THSD4: variants seen among roughly 807,000 people sequenced by gnomAD.
THSD4 encodes thrombospondin type 1 domain containing 4, also known as thrombospondin type-1 domain-containing protein 4.
A neutral mutation model predicts 119.0 loss-of-function variants in THSD4; 69 were observed. That is an observed-to-expected ratio of 0.58 (90% CI 0.48 to 0.71). THSD4 has a LOEUF of 0.71. Ranked by LOEUF, THSD4 falls within the 30% of genes least tolerant of loss-of-function variation. The pLI is 0.00. For missense variants in THSD4, 1,393 were observed against 1,391.1 expected, an observed-to-expected ratio of 1.00 and a Z score of -0.02; for synonymous variants, 524 against 540.4, an observed-to-expected ratio of 0.97 and a Z score of 0.42.
intron 1 of THSD4, among the ~76,000 whole-genome samples, chr15:71,098,216 G>A (rs1031069864): frequency 3.0e-5 from 4 of 131,282 alleles, no homozygotes; most frequent in African/African-American, 1.2e-4. Context: ...TTTTTTTTGG[G>A]GGGAGAGAAG....
At chr15:71,771,321 T>C in intron 17 of THSD4, 113 bp downstream of exon 17, 2 of 1,340,272 alleles carry the variant, frequency 1.5e-6, no homozygotes, top group Non-Finnish European at 2.1e-6. Context: ...TTGCACACAG[T>C]CATGGAGTTC....
At chr15:71,463,333 G>A (rs1359622666) in intron 7 of THSD4, among the ~76,000 whole-genome samples, 3 of 152,122 alleles carry the variant, frequency 2.0e-5, no homozygotes, top group Admixed American at 1.3e-4. Context: ...AACAGGACCC[G>A]TGACAGAGCC....
At chr15:71,358,222 C>T (rs2045848377) in intron 6 of THSD4, among the ~76,000 whole-genome samples, 1 of 152,200 alleles carries the variant, frequency 6.6e-6, no homozygotes, top group Non-Finnish European at 1.5e-5. Flanking sequence ...GGCCTCCCTC[C>T]CCTCCTTCCA....
chr15:71,725,864 C>T (rs948995359), intron 8 of THSD4, among the ~76,000 whole-genome samples: 4 of 152,114 alleles, frequency 2.6e-5, no homozygotes, highest in Non-Finnish European at 5.9e-5. Context: ...TCACCACAAC[C>T]TCCATCTCCC....
At chr15:71,680,134 A>C (rs2051744050) in intron 8 of THSD4, among the ~76,000 whole-genome samples, 1 of 152,206 alleles carries the variant, frequency 6.6e-6, no homozygotes, top group Non-Finnish European at 1.5e-5. Flanking sequence ...TTAGGTAATC[A>C]GTCCTCTTTA....
intron 5 of THSD4, among the ~76,000 whole-genome samples, chr15:71,246,067 G>GA (rs2044197241): frequency 6.6e-6 from 1 of 152,168 alleles, no homozygotes; most frequent in Non-Finnish European, 1.5e-5. Flanking sequence ...ACTGAAAGAG[G>GA]AAAAGGTATA....
At chr15:71,101,662 T>C (rs894680141) in intron 1 of THSD4, among the ~76,000 whole-genome samples, 1 of 152,156 alleles carries the variant, frequency 6.6e-6, no homozygotes, top group African/African-American at 2.4e-5. Flanking sequence ...TTGTCATTCA[T>C]GAACGATATT....
At chr15:71,554,464 C>T (rs2140867409) in intron 7 of THSD4, among the ~76,000 whole-genome samples, 2 of 152,248 alleles carry the variant, frequency 1.3e-5, no homozygotes, top group Middle Eastern at 3.4e-3. Flanking sequence ...TCACGTCTCA[C>T]TGCAGCCTCA....
At chr15:71,673,713 G>A (rs1347417699) in intron 8 of THSD4, among the ~76,000 whole-genome samples, 1 of 152,200 alleles carries the variant, frequency 6.6e-6, no homozygotes, top group Non-Finnish European at 1.5e-5. Context: ...TGGTTTCAAA[G>A]AACATCTTTA....
At chr15:71,341,171 A>T in intron 6 of THSD4, 1 of 1,446,062 alleles carries the variant, frequency 6.9e-7, no homozygotes, top group South Asian at 1.2e-5. Flanking sequence ...CTCCCGTGCC[A>T]TAAGTTTTTG....
At chr15:71,513,182 A>G (rs1335266546) in intron 7 of THSD4, among the ~76,000 whole-genome samples, 2 of 152,200 alleles carry the variant, frequency 1.3e-5, no homozygotes, top group African/African-American at 2.4e-5. Context: ...GCTTCCTGTC[A>G]TCTCTGTACT....
intron 6 of THSD4, among the ~76,000 whole-genome samples, chr15:71,410,371 G>C (rs4777385): frequency 0.14 from 21,840 of 152,196 alleles, 1,909 homozygotes; most frequent in Admixed American, 0.23. Flanking sequence ...CAGAAGTAGA[G>C]GTGGGATCCA....
intron 3 of THSD4, 32 bp from the exon 4 acceptor site, chr15:71,215,003 T>G: frequency 8.1e-7 from 1 of 1,241,664 alleles, no homozygotes; most frequent in Non-Finnish European, 1.0e-6. Context: ...GGAGCGGTGT[T>G]CTGGTCCCCT....
chr15:71,190,078 C>G (rs927599162), intron 3 of THSD4, among the ~76,000 whole-genome samples: 1 of 152,184 alleles, frequency 6.6e-6, no homozygotes, highest in African/African-American at 2.4e-5. Flanking sequence ...GCCATCCCCC[C>G]TTCCTCGAAA....
chr15:71,270,863 C>A, intron 6 of THSD4, among the ~76,000 whole-genome samples: 2 of 147,174 alleles, frequency 1.4e-5, no homozygotes, highest in Admixed American at 1.4e-4. Flanking sequence ...ATGTAGAAGG[C>A]ATATTAGGAG....
chr15:71,746,909 G>A lies in THSD4; in HGVS notation c.2108G>A (p.Cys703Tyr). Reference sequence around the variant, plus strand: ...GGCATGCAGCACCGCCAGGTTCTGTGCCGCCAGGTGTACGCCAACCGCAGC... The same window carrying A: ...GGCATGCAGCACCGCCAGGTTCTGTACCGCCAGGTGTACGCCAACCGCAGC... ...GLGMQHRQVL[C>Y]RQVYANRSLT... The change falls in exon 13 of 18, where the codon TGC becomes TAC. Residue 703 changes from cysteine (C) to tyrosine (Y), a missense_variant. Cys to Tyr is a radical substitution (Grantham distance 194). Coordinates refer to ENST00000261862, the MANE Select transcript of THSD4 (RefSeq NM_024817.3). 6.2e-7 allele frequency: 1 copy of A among 1,614,030 alleles called. No homozygotes were observed. Among genetic ancestry groups the A allele is most frequent in the Non-Finnish European group, 8.5e-7 (1 of 1,180,040 alleles).
chr15:71,258,409 T>G (rs147575787), intron 6 of THSD4, among the ~76,000 whole-genome samples: 1,607 of 152,134 alleles, frequency 0.011, 22 homozygotes, highest in African/African-American at 0.036. Context: ...GAACTCCTGA[T>G]CTCAAGTGAT....
intron 6 of THSD4, among the ~76,000 whole-genome samples, chr15:71,387,361 G>T (rs1461965015): frequency 6.6e-6 from 1 of 152,098 alleles, no homozygotes; most frequent in Non-Finnish European, 1.5e-5. Context: ...CCAAGAATCG[G>T]GGCTTACACG....
rs527306976 is a variant in THSD4, at chr15:71,750,160, G to A, written c.2415+1566G>A. On this transcript the variant is annotated intron_variant, in intron 14 of 17. Transcript: ENST00000261862. ...CTTGGATCTTAGGAGACACGATGCAGCCCATGAGCCCCCACCCCGTCCCCA... is the reference window on the plus strand; with the variant it reads ...CTTGGATCTTAGGAGACACGATGCAACCCATGAGCCCCCACCCCGTCCCCA... Among the ~76,000 whole-genome samples the A allele has an allele frequency of 5.9e-5, 9 of 152,230 alleles. No homozygotes were observed. The South Asian group carries it at 1.9e-3, about 32-fold the overall frequency.
Sources: gnomAD v4.1 joint callset for allele counts (sites outside exome capture counted in the v4.1 genomes callset) on GRCh38, gnomAD v4.1.1 for gene constraint, MANE v1.5 for transcripts, NCBI Gene and HGNC (gene_info 2026-07-23, HGNC 2026-07-21) for gene names.